Variants in WASF2 observed in about 807,000 individuals in gnomAD.
WASF2 encodes actin-binding protein WASF2.
In WASF2, 14 loss-of-function variants were observed where a neutral mutation model predicts 45.0. The observed-to-expected ratio is 0.31, with a 90% CI of 0.21 to 0.49. WASF2 has a LOEUF of 0.49. WASF2 is among the 20% of genes least tolerant of loss of function. The pLI is 0.99. For synonymous variants in WASF2, 200 were observed against 236.3 expected (o/e 0.85, Z 1.41); for missense variants, 439 against 636.1 (o/e 0.69, Z 3.33).
At chr1:27,468,564 C>G (rs959248366) in intron 1 of WASF2, among the ~76,000 whole-genome samples, 1 of 151,616 alleles carries the variant, frequency 6.6e-6, no homozygotes, top group Admixed American at 6.6e-5. Context: ...TCATTTGAAC[C>G]TGGGGGACAG....
chr1:27,414,737 C>A lies in WASF2; in HGVS notation c.668+96G>T. On this transcript the variant is annotated intron_variant, in intron 6 of 8. Transcript: ENST00000618852. The surrounding 1 kb of genome is among the most constrained non-coding windows in gnomAD (Gnocchi z 4.1). Reference sequence around the variant, plus strand: ...TATTGATCTAAGCCACAGAGACAGACTTCAGGGGGTGTGAAAGGTGTCACA... The same window carrying A: ...TATTGATCTAAGCCACAGAGACAGAATTCAGGGGGTGTGAAAGGTGTCACA... 1 of 1,510,974 alleles carries A rather than the reference C, an allele frequency of 6.6e-7. No homozygotes were observed. Among genetic ancestry groups the A allele is most frequent in the Non-Finnish European group, 9.0e-7 (1 of 1,117,308 alleles). 93.6% of individuals were successfully genotyped at this position (1,510,974 alleles called of 1,614,324 possible).
chr1:27,408,321 C>T lies in WASF2; in HGVS notation c.1365G>A (p.Glu455=). Residue 455 remains glutamate, a synonymous_variant, in exon 9 of 9, where the codon GAG becomes GAA. Coordinates refer to ENST00000618852, the MANE Select transcript of WASF2 (RefSeq NM_006990.5). Reference sequence around the variant, plus strand: ...CATCCCGCTTCTCTTGTTCCCGCTGCTCCTCAACCCTGCGCAGCTGAAAAC... The same window carrying T: ...CATCCCGCTTCTCTTGTTCCCGCTGTTCCTCAACCCTGCGCAGCTGAAAAC... ...RQGFQLRRVE[E]QREQEKRDVV... The T allele has an allele frequency of 1.2e-6, 2 of 1,614,236 alleles. No homozygotes were observed. The highest frequency in any genetic ancestry group is 1.3e-5 in the African/African-American group (1 of 75,060).
chr1:27,461,505 G>A (rs146113734), intron 1 of WASF2, among the ~76,000 whole-genome samples: 3,596 of 142,530 alleles, frequency 0.025, 138 homozygotes, highest in African/African-American at 0.09. Context: ...CTGTCTCCCC[G>A]GCTGGAGTGC....
intron 1 of WASF2, among the ~76,000 whole-genome samples, chr1:27,432,647 C>A (rs1429699606): frequency 4.4e-3 from 226 of 51,342 alleles, no homozygotes; most frequent in African/African-American, 9.0e-3. Context: ...AACTCTGTCT[C>A]AAAAAAAAAA....
At chr1:27,448,538 T>C (rs1326764397) in intron 1 of WASF2, among the ~76,000 whole-genome samples, 1 of 152,138 alleles carries the variant, frequency 6.6e-6, no homozygotes, top group Non-Finnish European at 1.5e-5. Context: ...ACAATCCAGT[T>C]TATCTAGGAA....
At chr1:27,416,242 C>T (rs1055035527) in intron 4 of WASF2, 140 bp from the exon 5 acceptor site, 1 of 695,816 alleles carries the variant, frequency 1.4e-6, no homozygotes, top group African/African-American at 1.8e-5. Context: ...TACCTCCTCT[C>T]CCATACCAGC....
intron 2 of WASF2, among the ~76,000 whole-genome samples, chr1:27,419,951 C>T (rs2148105788): frequency 1.3e-5 from 2 of 152,170 alleles, no homozygotes; most frequent in Admixed American, 1.3e-4. Context: ...GTCACCCAGG[C>T]TGCAGTACAG....
intron 1 of WASF2, among the ~76,000 whole-genome samples, chr1:27,469,276 G>C (rs2017658492): frequency 6.6e-6 from 1 of 152,094 alleles, no homozygotes; most frequent in Admixed American, 6.6e-5. Flanking sequence ...GCTGAGTGTT[G>C]GGCATGTAAG....
intron 1 of WASF2, among the ~76,000 whole-genome samples, chr1:27,462,506 A>C (rs1034577972): frequency 1.3e-5 from 2 of 152,224 alleles, no homozygotes; most frequent in East Asian, 1.9e-4. Context: ...GGGTCTCTCT[A>C]TGTTGCCCAG....
chr1:27,419,315 A>G (rs2016870036), intron 2 of WASF2, among the ~76,000 whole-genome samples: 1 of 152,246 alleles, frequency 6.6e-6, no homozygotes, highest in African/African-American at 2.4e-5. Flanking sequence ...AGTCTTCTTG[A>G]CAGACGTGAA....
At chr1:27,431,033 G>A (rs982506565) in intron 1 of WASF2, among the ~76,000 whole-genome samples, 3 of 152,162 alleles carry the variant, frequency 2.0e-5, no homozygotes, top group East Asian at 1.9e-4. Flanking sequence ...TCTGCTACAA[G>A]TAAAAATAAA....
intron 1 of WASF2, among the ~76,000 whole-genome samples, chr1:27,429,772 G>A (rs1421087228): frequency 3.5e-5 from 5 of 140,886 alleles, no homozygotes; most frequent in Non-Finnish European, 7.6e-5. Flanking sequence ...GCAAGACTCC[G>A]TCTCAAAAAA....
chr1:27,444,796 T>A (rs1429560749), intron 1 of WASF2, among the ~76,000 whole-genome samples: 1 of 152,218 alleles, frequency 6.6e-6, no homozygotes, highest in Admixed American at 6.5e-5. Context: ...TCACTTTAAG[T>A]ACTTTGAAGG....
At chr1:27,433,465 C>T (rs1033968619) in intron 1 of WASF2, among the ~76,000 whole-genome samples, 1 of 152,210 alleles carries the variant, frequency 6.6e-6, no homozygotes, top group African/African-American at 2.4e-5. Flanking sequence ...TCATCAGTAG[C>T]ACCTTACTGG....
intron 1 of WASF2, among the ~76,000 whole-genome samples, chr1:27,480,524 A>AG (rs1307479266): frequency 6.6e-6 from 1 of 151,628 alleles, no homozygotes; most frequent in Non-Finnish European, 1.5e-5. Context: ...TAAAAAAAAA[A>AG]GAAAATAAAA....
At chr1:27,434,790 TA>T (rs1318501808) in intron 1 of WASF2, among the ~76,000 whole-genome samples, 1 of 152,000 alleles carries the variant, frequency 6.6e-6, no homozygotes, top group African/African-American at 2.4e-5. Flanking sequence ...TGAAAACAAA[TA>T]AAAGACTGCC....
chr1:27,412,232 G>A (rs938650052), intron 7 of WASF2, among the ~76,000 whole-genome samples: 1 of 151,976 alleles, frequency 6.6e-6, no homozygotes, highest in Admixed American at 6.6e-5. Flanking sequence ...TTTTGTTTTT[G>A]GTCTCGCTCT....
At chr1:27,417,190 A>G (rs1040709408) in intron 4 of WASF2, among the ~76,000 whole-genome samples, 10 of 152,184 alleles carry the variant, frequency 6.6e-5, no homozygotes, top group Non-Finnish European at 1.0e-4. Flanking sequence ...TGTTTATGCA[A>G]TCCCACCACA....
At chr1:27,471,773 A>C (rs1463249750) in intron 1 of WASF2, among the ~76,000 whole-genome samples, 2 of 152,220 alleles carry the variant, frequency 1.3e-5, no homozygotes, top group African/African-American at 4.8e-5. Context: ...ATAAAAGCTA[A>C]GAGAAGAATG....
Sources: gnomAD v4.1 joint callset for allele counts (sites outside exome capture counted in the v4.1 genomes callset) on GRCh38, gnomAD v4.1.1 for gene constraint, Gnocchi (gnomAD v3.1) non-coding constraint, MANE v1.5 for transcripts, NCBI Gene and HGNC (gene_info 2026-07-23, HGNC 2026-07-21) for gene names.